The following ELL variants were observed in gnomAD, a reference collection of about 807,000 sequenced individuals.
ELL encodes the protein RNA polymerase II elongation factor ELL.
In ELL, 18 loss-of-function variants were observed where a neutral mutation model predicts 64.0. That is an observed-to-expected ratio of 0.28 (90% CI 0.19 to 0.42). The LOEUF is 0.42. Among genes scored for constraint, ELL ranks in the 10% least tolerant of loss-of-function variants. The pLI is 1.00. For missense variants in ELL, 797 were observed against 870.4 expected (o/e 0.92, Z 1.06); for synonymous variants, 399 against 376.2 (o/e 1.06, Z -0.70).
chr19:18,521,132 G>A (rs997943063), intron 1 of ELL, among the ~76,000 whole-genome samples: 3 of 152,056 alleles, frequency 2.0e-5, no homozygotes, highest in African/African-American at 7.2e-5. Flanking sequence ...AGATGTGGTA[G>A]CCAGAGCTTC....
chr19:18,444,740 C>A lies in ELL; in HGVS notation c.*12G>T. ...CCCGACCCTCCCAGATCCCCGCCAT[C>A]GGGGAGGGCGGCTAGGGCCAAGCCT... On this transcript the variant is annotated 3_prime_UTR_variant, in exon 12 of 12. Coordinates refer to ENST00000262809, the MANE Select transcript of ELL (RefSeq NM_006532.4). The A allele has an allele frequency of 6.3e-7, 1 of 1,591,798 alleles. No individual in the cohort carries two copies. Among genetic ancestry groups the A allele is most frequent in the Non-Finnish European group, 8.5e-7 (1 of 1,172,298 alleles).
chr19:18,475,701 T>G (rs958432001), intron 1 of ELL: 1 of 151,820 alleles, frequency 6.6e-6, no homozygotes, highest in African/African-American at 2.4e-5. Flanking sequence ...TTTCTATAAA[T>G]CCCCAGGTAA....
chr19:18,479,636 T>C (rs1220443943), intron 1 of ELL, among the ~76,000 whole-genome samples: 1 of 141,464 alleles, frequency 7.1e-6, no homozygotes, highest in Non-Finnish European at 1.5e-5. Context: ...TTGAACCCGG[T>C]AGGCGGAGGT....
intron 6 of ELL, among the ~76,000 whole-genome samples, chr19:18,454,448 G>A (rs1231726048): frequency 5.3e-5 from 8 of 152,196 alleles, no homozygotes; most frequent in Admixed American, 2.0e-4. Context: ...GCAGTGAGCC[G>A]AGATCGCGCC....
rs974119151 is a variant in ELL, at chr19:18,449,391, T to G, written c.1465+1086A>C. On this transcript the variant is annotated intron_variant, in intron 8 of 11. Coordinates refer to ENST00000262809, the MANE Select transcript of ELL (RefSeq NM_006532.4). The surrounding 1 kb of genome is among the most constrained non-coding windows in gnomAD (Gnocchi z 4.4). ...GGCTGCCCAGGGAGTAAGGCCACCT[T>G]CTCCCCGTCGGCCCCCACATGCAGT... 6.6e-6 allele frequency among the ~76,000 whole-genome samples: 1 copy of G among 151,838 alleles called. No individual in the cohort carries two copies. Among genetic ancestry groups the G allele is most frequent in the Non-Finnish European group, 1.5e-5 (1 of 67,942 alleles).
At chr19:18,500,438 C>T (rs897572374) in intron 1 of ELL, among the ~76,000 whole-genome samples, 3 of 152,178 alleles carry the variant, frequency 2.0e-5, no homozygotes, top group Admixed American at 6.5e-5. Context: ...CCTTCACAGC[C>T]GCTCCATCAA....
chr19:18,483,774 C>T (rs1462404001), intron 1 of ELL, among the ~76,000 whole-genome samples: 2 of 152,160 alleles, frequency 1.3e-5, no homozygotes, highest in Non-Finnish European at 2.9e-5. Flanking sequence ...TTCTATGTCC[C>T]TGAGCCCTGC....
chr19:18,509,594 CACAT>C (rs1184732813), intron 1 of ELL, among the ~76,000 whole-genome samples: 670 of 39,094 alleles, frequency 0.017, 29 homozygotes, highest in African/African-American at 0.1. Flanking sequence ...CGCGCGCGCG[CACAT>C]ACACACACAC....
chr19:18,450,820 G>A lies in ELL; in HGVS notation c.1122C>T (p.Ser374=), dbSNP rs769987049. The A allele has an allele frequency of 1.3e-6, 2 of 1,586,840 alleles. No homozygotes were observed. The highest frequency in any genetic ancestry group is 1.7e-6 in the Non-Finnish European group (2 of 1,165,816). The stretch of plus-strand genomic sequence containing the variant: ...GAGTGCTGGAGCTGAGGGTGTCCGT[G>A]CTGGCTGGTGGGCCCGGGGTGGGCA... The part of the protein sequence containing the change: ...ALLPTPGPPA[S]TDTLSSSTHL... The change falls in exon 8 of 12, where the codon AGC becomes AGT. Residue 374 remains serine (S), a synonymous_variant. Coordinates refer to ENST00000262809, the MANE Select transcript of ELL (RefSeq NM_006532.4).
chr19:18,514,869 G>A (rs772695212), intron 1 of ELL, among the ~76,000 whole-genome samples: 6 of 152,248 alleles, frequency 3.9e-5, no homozygotes, highest in Admixed American at 3.9e-4. Flanking sequence ...GCAGACCTCT[G>A]AAAACTAGGG....
At chr19:18,475,174 C>A (rs188017699) in intron 1 of ELL, among the ~76,000 whole-genome samples, 1 of 152,076 alleles carries the variant, frequency 6.6e-6, no homozygotes, top group African/African-American at 2.4e-5. Flanking sequence ...GAAAAAGAGA[C>A]CTATAGGGAC....
chr19:18,462,424 T>C (rs578142716), intron 4 of ELL, among the ~76,000 whole-genome samples: 3 of 146,506 alleles, frequency 2.0e-5, no homozygotes, highest in Non-Finnish European at 4.5e-5. Flanking sequence ...TCCTGCTCTG[T>C]CACCCAGGCT....
In ELL at chr19:18,450,695, G is replaced by C; in HGVS notation, c.1247C>G (p.Ala416Gly). 13 of 1,584,266 alleles carry C rather than the reference G, an allele frequency of 8.2e-6. No individual in the cohort carries two copies. The highest frequency in any genetic ancestry group is 1.1e-5 in the Non-Finnish European group (13 of 1,165,892). Residue 416 changes from alanine (A) to glycine (G), a missense_variant, in exon 8 of 12, where the codon GCG (alanine) becomes GGG (glycine). Ala to Gly is a moderately conservative substitution (Grantham distance 60). Coordinates refer to ENST00000262809, the MANE Select transcript of ELL (RefSeq NM_006532.4). ...HSGRDCEHGE[A>G]AAPAPTVRLG... ...GCGCACAGTGGGGGCTGGGGCAGCCGCCTCTCCGTGCTCACAGTCTCGGCC... is the reference window on the plus strand; with the variant it reads ...GCGCACAGTGGGGGCTGGGGCAGCCCCCTCTCCGTGCTCACAGTCTCGGCC...
intron 1 of ELL, among the ~76,000 whole-genome samples, chr19:18,480,465 G>A (rs975793288): frequency 6.6e-6 from 1 of 152,172 alleles, no homozygotes; most frequent in Non-Finnish European, 1.5e-5. Flanking sequence ...AGGGAACCAG[G>A]TGGCCACGGT....
Position 18,465,400 on chromosome 19 carries a change from C to A in ELL, c.469+12G>T, listed in dbSNP as rs1974912130. On this transcript the variant is annotated intron_variant, in intron 4 of 11. Transcript: ENST00000262809. ...CCGGCTGCCCTACAGCCCTGCCAAA[C>A]CCACTGCTCACCCAGGTAGCGGCCT... is the stretch of plus-strand genomic sequence containing the variant. 6.3e-7 allele frequency: 1 copy of A among 1,586,294 alleles called. No individual in the cohort carries two copies. Among genetic ancestry groups the A allele is most frequent in the Admixed American group, 1.7e-5 (1 of 58,744 alleles).
intron 6 of ELL, among the ~76,000 whole-genome samples, chr19:18,455,944 CA>C (rs967154526): frequency 6.6e-6 from 1 of 151,740 alleles, no homozygotes; most frequent in Non-Finnish European, 1.5e-5. Flanking sequence ...ACTAAAAATA[CA>C]AAATTAGCCG....
chr19:18,447,524 G>A (rs925345141), intron 8 of ELL, among the ~76,000 whole-genome samples: 25 of 152,246 alleles, frequency 1.6e-4, no homozygotes, highest in African/African-American at 6.0e-4. Context: ...CCCTTCAGGG[G>A]CCTGCCCAAA....
chr19:18,495,976 T>C (rs887851397), intron 1 of ELL, among the ~76,000 whole-genome samples: 3 of 152,196 alleles, frequency 2.0e-5, no homozygotes, highest in African/African-American at 4.8e-5. Flanking sequence ...GCCCCTACCC[T>C]ACCTGCTCCA....
Position 18,450,506 on chromosome 19 carries a change from G to C in ELL, c.1436C>G (p.Ala479Gly). 6.2e-7 allele frequency: 1 copy of C among 1,613,134 alleles called. No homozygotes were observed. Among genetic ancestry groups the C allele is most frequent in the Non-Finnish European group, 8.5e-7 (1 of 1,179,914 alleles). The change falls in exon 8 of 12, where the codon GCC (alanine) becomes GGC (glycine). Residue 479 changes from alanine to glycine, a missense_variant. Transcript: ENST00000262809. The stretch of plus-strand genomic sequence containing the variant: ...GGTGTCTGCTGGGGCTCCGGGGGTG[G>C]CATGGGTGGCAGGTGCACAGTCTGG... ...QLPDCAPATH[A>G]TPGAPADTPG...
Sources: allele counts gnomAD v4.1 joint callset (sites outside exome capture counted in the v4.1 genomes callset), GRCh38; gene constraint gnomAD v4.1.1; non-coding constraint Gnocchi (gnomAD v3.1); transcripts MANE v1.5; gene names NCBI Gene and HGNC (gene_info 2026-07-23, HGNC 2026-07-21).